UROS: variants seen among roughly 807,000 people sequenced by gnomAD.
UROS encodes the protein uroporphyrinogen III synthase, also known as uroporphyrinogen-III synthase.
UROS carries 18 observed loss-of-function variants against 33.0 expected under a neutral mutation model. The ratio of observed to expected loss-of-function variants is 0.55; its 90% confidence interval spans 0.38 to 0.81. UROS has a LOEUF of 0.81. Among genes scored for constraint, UROS ranks in the 30% least tolerant of loss-of-function variants. UROS has a pLI of 0.00. For missense variants in UROS, 293 were observed against 314.9 expected, an observed-to-expected ratio of 0.93 and a Z score of 0.53; for synonymous variants, 114 against 121.1, an observed-to-expected ratio of 0.94 and a Z score of 0.38.
chr10:125,813,693 G>C (rs993463869), intron 4 of UROS, among the ~76,000 whole-genome samples: 1 of 152,194 alleles, frequency 6.6e-6, no homozygotes, highest in African/African-American at 2.4e-5. Context: ...TGGCCAGGCT[G>C]GTCTGGAACT....
Position 125,816,447 on chromosome 10 carries a change from G to T in UROS, c.53C>A (p.Pro18Gln). The T allele has an allele frequency of 1.2e-6, 2 of 1,614,096 alleles. No individual in the cohort carries two copies. The highest frequency in any genetic ancestry group is 1.7e-6 in the Non-Finnish European group (2 of 1,180,016). ...TCTCAGGCCACTTACCCTGATATAC[G>T]GATCCTGGCCACAGTCATCTTCCTT... ...DAKEDDCGQD[P>Q]YIRELGLYGL... The change falls in exon 2 of 10, where the codon CCG (proline) becomes CAG (glutamine). Residue 18 changes from proline to glutamine, a missense_variant. Pro to Gln is a moderately conservative substitution (Grantham distance 76). Coordinates refer to ENST00000368797, the MANE Select transcript of UROS (RefSeq NM_000375.3).
At chr10:125,811,906 ATAATTCAGTGGCAT>A (rs1332377706) in intron 5 of UROS, among the ~76,000 whole-genome samples, 1 of 152,192 alleles carries the variant, frequency 6.6e-6, no homozygotes, top group Non-Finnish European at 1.5e-5. Flanking sequence ...CACTAAGTGC[ATAATTCAGTGGCAT>A]TATGTACATT....
At chr10:125,793,181 G>C (rs1851072692) in intron 9 of UROS, 1 of 152,244 alleles carries the variant, frequency 6.6e-6, no homozygotes, top group Non-Finnish European at 1.5e-5. Flanking sequence ...CTGAGTTCTT[G>C]GTTCAGATGC....
chr10:125,813,512 CAT>C (rs1243055041), intron 4 of UROS, among the ~76,000 whole-genome samples: 9 of 152,168 alleles, frequency 5.9e-5, no homozygotes, highest in African/African-American at 2.2e-4. Context: ...AAAGAGTACA[CAT>C]GCTTCCCCAT....
At chr10:125,801,199 T>C (rs965218438) in intron 6 of UROS, among the ~76,000 whole-genome samples, 1 of 152,178 alleles carries the variant, frequency 6.6e-6, no homozygotes. Context: ...CCAGTAAGTG[T>C]GCCAGGCTGC....
intron 6 of UROS, chr10:125,807,092 CCCACTCACACCTCCTGCCTCTGCTCT>C: frequency 2.8e-6 from 1 of 362,136 alleles, no homozygotes; most frequent in Non-Finnish European, 5.2e-6. Context: ...GGGGAGAGTA[CCCACTCACACCTCCTGCCTCTGCTCT>C]CTTTGGAATC....
intron 6 of UROS, among the ~76,000 whole-genome samples, chr10:125,806,698 C>G (rs544016612): frequency 6.6e-6 from 1 of 152,152 alleles, no homozygotes; most frequent in Non-Finnish European, 1.5e-5. Context: ...TTCATGCTCT[C>G]ATGGGGGTGT....
intron 9 of UROS, chr10:125,789,268 C>T (rs1051553795): frequency 1.4e-6 from 2 of 1,402,468 alleles, no homozygotes; most frequent in Non-Finnish European, 1.9e-6. Context: ...TTGAAGGCCC[C>T]AGGCTGGTGC....
Position 125,788,788 on chromosome 10 carries a change from G to A in UROS, c.*80C>T. 6.6e-7 allele frequency: 1 copy of A among 1,508,638 alleles called. No individual in the cohort carries two copies. Among genetic ancestry groups the A allele is most frequent in the South Asian group, 1.2e-5 (1 of 80,172 alleles). The allele number at this position is 1,508,638 out of a possible 1,614,324, so 93.5% of individuals were successfully genotyped here. Reference sequence around the variant, plus strand: ...GGAGTCTGACGGCAGCAGCTCCCGAGAGCCCTTGCCGATGCCTGGCTCCAT... The same window carrying A: ...GGAGTCTGACGGCAGCAGCTCCCGAAAGCCCTTGCCGATGCCTGGCTCCAT... On this transcript the variant is annotated 3_prime_UTR_variant, in exon 10 of 10. Transcript: ENST00000368797.
chr10:125,818,236 A>T (rs1853529615), intron 1 of UROS, among the ~76,000 whole-genome samples: 1 of 152,166 alleles, frequency 6.6e-6, no homozygotes, highest in African/African-American at 2.4e-5. Flanking sequence ...TAATCTCAGC[A>T]CTTTGGCAGG....
intron 6 of UROS, chr10:125,802,283 G>C (rs1327494618): frequency 1.0e-6 from 1 of 985,710 alleles, no homozygotes; most frequent in Non-Finnish European, 1.2e-6. Flanking sequence ...CACATGGCAC[G>C]GGGCCCAACC....
chr10:125,797,912 A>C (rs74162860), intron 7 of UROS, among the ~76,000 whole-genome samples, 153 bp downstream of exon 7: 1 of 152,204 alleles, frequency 6.6e-6, no homozygotes, highest in Non-Finnish European at 1.5e-5. Context: ...CACTCTTCCC[A>C]TGAGCATGGT....
chr10:125,789,397 T>C (rs1482711512), intron 9 of UROS: 40 of 1,140,650 alleles, frequency 3.5e-5, no homozygotes, highest in Non-Finnish European at 4.0e-5. Context: ...GCAGGGGCAG[T>C]GACTGAATCC....
intron 6 of UROS, among the ~76,000 whole-genome samples, chr10:125,804,758 T>A (rs1045428458): frequency 6.6e-6 from 1 of 152,186 alleles, no homozygotes; most frequent in Non-Finnish European, 1.5e-5. Flanking sequence ...TAGAAACAGG[T>A]ATCTTAATAG....
intron 6 of UROS, among the ~76,000 whole-genome samples, chr10:125,805,432 T>A (rs1852237254): frequency 6.6e-6 from 1 of 152,192 alleles, no homozygotes; most frequent in Non-Finnish European, 1.5e-5. Context: ...GTGCTGAGTG[T>A]GAATTCCAGC....
chr10:125,787,073 C>T (rs757678393), downstream of UROS, among the ~76,000 whole-genome samples: 12 of 152,262 alleles, frequency 7.9e-5, no homozygotes, highest in Non-Finnish European at 1.8e-4. Flanking sequence ...CCCTGGCGCA[C>T]TCCATCTGAA....
intron 6 of UROS, among the ~76,000 whole-genome samples, chr10:125,799,812 T>C (rs1045993770): frequency 6.6e-6 from 1 of 151,912 alleles, no homozygotes. Flanking sequence ...GAGTCCTCCT[T>C]TGCTGGTGAG....
At chr10:125,789,082 G>A in intron 9 of UROS, 77 bp from the exon 10 acceptor site, 1 of 1,568,754 alleles carries the variant, frequency 6.4e-7, no homozygotes, top group South Asian at 1.1e-5. Flanking sequence ...ATGTGTGCAG[G>A]GGCCGTCAGC....
At chr10:125,788,055 G>A (rs7907268), downstream of UROS, among the ~76,000 whole-genome samples, 295 of 152,268 alleles carry the variant, frequency 1.9e-3, 2 homozygotes, top group African/African-American at 6.8e-3. Context: ...GATCAGAGAC[G>A]GGGAGCCCAA....
Sources: allele counts gnomAD v4.1 joint callset (sites outside exome capture counted in the v4.1 genomes callset), GRCh38; gene constraint gnomAD v4.1.1; transcripts MANE v1.5; gene names NCBI Gene and HGNC (gene_info 2026-07-23, HGNC 2026-07-21).